Variants in DLGAP1 observed in about 807,000 individuals in gnomAD.
DLGAP1 encodes the protein disks large-associated protein 1.
Under a neutral mutation model 90.8 loss-of-function variants are expected in DLGAP1, and 11 were observed. The observed-to-expected ratio is 0.12, with a 90% CI of 0.08 to 0.20. The LOEUF is 0.20. Ranked by LOEUF, DLGAP1 falls within the 10% of genes least tolerant of loss-of-function variation. The pLI is 1.00. For synonymous variants in DLGAP1, 558 were observed against 540.7 expected (o/e 1.03, Z -0.44); for missense variants, 1,050 against 1,333.8 (o/e 0.79, Z 3.31).
chr18:4,267,971 T>C lies in DLGAP1; in HGVS notation c.-266-116684A>G, dbSNP rs79971545. On this transcript the variant is annotated intron_variant, in intron 1 of 12. Coordinates refer to ENST00000315677, the MANE Select transcript of DLGAP1 (RefSeq NM_004746.4). The stretch of plus-strand genomic sequence containing the variant: ...ATACTATCACTTCTGCCATATTCTA[T>C]TGGTCACATATCATTACTGAAATTC... Among the ~76,000 whole-genome samples, 13 of 152,310 alleles carry C rather than the reference T, an allele frequency of 8.5e-5. No homozygotes were observed. In the East Asian group the frequency reaches 2.5e-3, roughly 29 times the overall value.
rs372058237 is a variant in DLGAP1, at chr18:4,118,035, G to T, written c.-159+33145C>A. ...CAGGGTTATGTGGCATCCCAGGAGG[G>T]TTCTTCTTGGTGGTCTTTCCATTGT... On this transcript the variant is annotated intron_variant, in intron 2 of 12. Coordinates refer to ENST00000315677, the MANE Select transcript of DLGAP1 (RefSeq NM_004746.4). Among the ~76,000 whole-genome samples, 25 of 152,124 alleles carry T rather than the reference G, an allele frequency of 1.6e-4. 2 individuals carry two copies. In the East Asian group the frequency reaches 4.6e-3, roughly 28 times the overall value.
chr18:3,874,516 T>C, intron 4 of DLGAP1: 1 of 1,449,572 alleles, frequency 6.9e-7, no homozygotes, highest in Non-Finnish European at 9.0e-7. Context: ...CCAAGAATTC[T>C]GCTTTTTAAA....
At chr18:3,618,938 CAA>C (rs35538124) in intron 7 of DLGAP1, among the ~76,000 whole-genome samples, 63 of 132,156 alleles carry the variant, frequency 4.8e-4, no homozygotes, top group Non-Finnish European at 4.8e-4. Context: ...GACTCCGTCT[CAA>C]AAAAAAAAAA....
At chr18:4,404,581 T>C (rs1598365696) in intron 1 of DLGAP1, among the ~76,000 whole-genome samples, 1 of 152,202 alleles carries the variant, frequency 6.6e-6, no homozygotes, top group Admixed American at 6.5e-5. Flanking sequence ...CATACATTAC[T>C]GGGAAATAGC....
At chr18:4,288,850 G>A (rs2079773558) in intron 1 of DLGAP1, among the ~76,000 whole-genome samples, 1 of 151,668 alleles carries the variant, frequency 6.6e-6, no homozygotes, top group Admixed American at 6.6e-5. Context: ...CGCATAACAG[G>A]TTTTCATTTT....
chr18:4,013,429 A>G (rs2074464976), intron 2 of DLGAP1, among the ~76,000 whole-genome samples: 1 of 152,196 alleles, frequency 6.6e-6, no homozygotes, highest in Admixed American at 6.5e-5. Context: ...GTCTGACCCT[A>G]CAGTCTTCCT....
chr18:4,388,887 C>G (rs1045838552), intron 1 of DLGAP1, among the ~76,000 whole-genome samples: 6 of 152,132 alleles, frequency 3.9e-5, no homozygotes, highest in Admixed American at 1.3e-4. Flanking sequence ...TGTGGAGAAA[C>G]TGGAGCCCTT....
chr18:4,310,419 C>T (rs1192732487), intron 1 of DLGAP1, among the ~76,000 whole-genome samples: 1 of 152,172 alleles, frequency 6.6e-6, no homozygotes, highest in East Asian at 1.9e-4. Context: ...GCCATCTTCC[C>T]CAGGAAGTTT....
At chr18:3,718,476 A>G (rs1048772143) in intron 7 of DLGAP1, among the ~76,000 whole-genome samples, 11 of 152,010 alleles carry the variant, frequency 7.2e-5, no homozygotes, top group Admixed American at 7.2e-4. Context: ...GTATTCAACA[A>G]GCAGATGATG....
chr18:4,242,315 GAATT>G (rs2078555220), intron 1 of DLGAP1, among the ~76,000 whole-genome samples: 1 of 151,850 alleles, frequency 6.6e-6, no homozygotes, highest in Non-Finnish European at 1.5e-5. Context: ...TAATCCACTG[GAATT>G]AATTTTGTTC....
intron 2 of DLGAP1, among the ~76,000 whole-genome samples, chr18:4,068,238 T>C (rs1488875451): frequency 1.3e-5 from 2 of 152,032 alleles, no homozygotes; most frequent in African/African-American, 2.4e-5. Context: ...AGTTCTTTAC[T>C]ACTGTATCTC....
chr18:3,838,923 TA>T (rs554933707), intron 4 of DLGAP1, among the ~76,000 whole-genome samples: 5 of 151,552 alleles, frequency 3.3e-5, no homozygotes, highest in African/African-American at 7.3e-5. Context: ...CTGCTTTGGT[TA>T]AAAAAAAATC....
chr18:4,130,849 G>A (rs984918481), intron 2 of DLGAP1, among the ~76,000 whole-genome samples: 21 of 152,128 alleles, frequency 1.4e-4, no homozygotes, highest in Non-Finnish European at 2.8e-4. Flanking sequence ...AACAACCAGA[G>A]AATGCCTAGC....
At chr18:3,669,328 C>G (rs529301072) in intron 7 of DLGAP1, among the ~76,000 whole-genome samples, 1 of 152,210 alleles carries the variant, frequency 6.6e-6, no homozygotes, top group South Asian at 2.1e-4. Context: ...CTGGCTAGGG[C>G]TCTACCCCCA....
chr18:3,886,757 A>G (rs192732769), intron 3 of DLGAP1, among the ~76,000 whole-genome samples: 6 of 152,350 alleles, frequency 3.9e-5, no homozygotes, highest in African/African-American at 1.4e-4. Flanking sequence ...AGCCCTGAAC[A>G]ATGACTACAT....
intron 1 of DLGAP1, among the ~76,000 whole-genome samples, chr18:4,238,458 G>A (rs1247300386): frequency 6.6e-6 from 1 of 152,136 alleles, no homozygotes; most frequent in Admixed American, 6.6e-5. Context: ...GATGAATTGT[G>A]TTCTCCTTTA....
intron 3 of DLGAP1, among the ~76,000 whole-genome samples, chr18:3,890,149 G>A (rs1269702109): frequency 6.6e-6 from 1 of 152,228 alleles, no homozygotes; most frequent in Admixed American, 6.5e-5. Flanking sequence ...TCCAAGTGGG[G>A]CCAATGTGAG....
At chr18:3,765,484 T>C (rs2064199016) in intron 5 of DLGAP1, among the ~76,000 whole-genome samples, 1 of 151,964 alleles carries the variant, frequency 6.6e-6, no homozygotes, top group South Asian at 2.1e-4. Flanking sequence ...GTAAAAATGA[T>C]GATGTCATTA....
rs191671832 is a variant in DLGAP1 at position 3,947,355 on chromosome 18, C to T, written c.-73+57761G>A. Among the ~76,000 whole-genome samples, 484 of 152,316 alleles carry T rather than the reference C, an allele frequency of 3.2e-3. 3 individuals are homozygous for T. Among genetic ancestry groups the T allele is most frequent in the Non-Finnish European group, 5.8e-3 (396 of 68,030 alleles). ...GGTGCTGACACTAGGCTGTTCTCAGCCCTTGTCTGGCTTATCTCTTCCAAA... is the reference window on the plus strand; with the variant it reads ...GGTGCTGACACTAGGCTGTTCTCAGTCCTTGTCTGGCTTATCTCTTCCAAA... On this transcript the variant is annotated intron_variant, in intron 3 of 12. Coordinates refer to ENST00000315677, the MANE Select transcript of DLGAP1 (RefSeq NM_004746.4).
Sources: gnomAD v4.1 joint callset for allele counts (sites outside exome capture counted in the v4.1 genomes callset) on GRCh38, gnomAD v4.1.1 for gene constraint, MANE v1.5 for transcripts, NCBI Gene and HGNC (gene_info 2026-07-23, HGNC 2026-07-21) for gene names.